The following ABI3BP variants were observed in gnomAD, a reference collection of about 807,000 sequenced individuals.
ABI3BP encodes target of Nesh-SH3.
ABI3BP carries 216 observed loss-of-function variants against 268.6 expected under a neutral mutation model. The observed-to-expected ratio is 0.80, with a 90% CI of 0.72 to 0.90. ABI3BP has a LOEUF of 0.90. ABI3BP is among the 40% of genes least tolerant of loss of function. The pLI is 0.00. For missense variants in ABI3BP, 2,090 were observed against 2,182.4 expected, an observed-to-expected ratio of 0.96 and a Z score of 0.84; for synonymous variants, 730 against 730.0, an observed-to-expected ratio of 1.00 and a Z score of 0.00.
rs866724361 is a variant in ABI3BP, at chr3:100,901,570, C to T, written c.328+1048G>A. Among the ~76,000 whole-genome samples, 127 of 152,070 alleles carry T rather than the reference C, an allele frequency of 8.4e-4. 1 individual carries two copies. The highest frequency in any genetic ancestry group is 6.8e-3 in the Middle Eastern group (2 of 294). ...CATGAGGTCAGGAGGTCGAGACTGTCCTGGCTAACACGGTGAAACCCCGTC... is the reference window on the plus strand; with the variant it reads ...CATGAGGTCAGGAGGTCGAGACTGTTCTGGCTAACACGGTGAAACCCCGTC... On this transcript the variant is annotated intron_variant, in intron 3 of 67. Transcript: ENST00000471714.
At chr3:100,828,499 T>G in intron 33 of ABI3BP, 47 bp from the exon 34 acceptor site, 2 of 1,460,802 alleles carry the variant, frequency 1.4e-6, no homozygotes, top group Non-Finnish European at 1.8e-6. Flanking sequence ...CATTAAAAAT[T>G]TATAAAAACT....
intron 49 of ABI3BP, among the ~76,000 whole-genome samples, chr3:100,808,941 C>A (rs17337645): frequency 6.6e-6 from 1 of 151,942 alleles, no homozygotes; most frequent in South Asian, 2.1e-4. Flanking sequence ...TGAACTAAAA[C>A]GTGTTTGGGA....
intron 2 of ABI3BP, chr3:100,911,758 C>G (rs1045087130): frequency 5.1e-6 from 5 of 986,572 alleles, no homozygotes; most frequent in Non-Finnish European, 8.2e-6. Flanking sequence ...CGATGAGTAG[C>G]GTAGCTTTCT....
At chr3:100,846,503 C>T in intron 19 of ABI3BP, 57 bp from the exon 20 acceptor site, 2 of 1,272,334 alleles carry the variant, frequency 1.6e-6, no homozygotes, top group South Asian at 1.3e-5. Context: ...ATTTCAGTGT[C>T]TAAAAACACA....
intron 61 of ABI3BP, among the ~76,000 whole-genome samples, chr3:100,774,387 G>A (rs2096641539): frequency 6.6e-6 from 1 of 152,154 alleles, no homozygotes; most frequent in African/African-American, 2.4e-5. Flanking sequence ...CAACCCACAA[G>A]AGGCCTAGCT....
At chr3:100,911,545 A>G in intron 2 of ABI3BP, 1 of 586,086 alleles carries the variant, frequency 1.7e-6, no homozygotes, top group African/African-American at 1.9e-5. Flanking sequence ...AGCATTACAT[A>G]TTTTATCTTA....
At chr3:100,964,499 C>T (rs1352977663) in intron 1 of ABI3BP, among the ~76,000 whole-genome samples, 1 of 152,206 alleles carries the variant, frequency 6.6e-6, no homozygotes, top group Non-Finnish European at 1.5e-5. Flanking sequence ...CCTATTAAAC[C>T]TCTGCTCCTA....
chr3:100,851,912 T>G lies in ABI3BP; in HGVS notation c.1314A>C (p.Thr438=). Residue 438 remains threonine, a synonymous_variant, in exon 15 of 68, where the codon ACA becomes ACC. Coordinates refer to ENST00000471714, the MANE Select transcript of ABI3BP (RefSeq NM_001375547.2). ...TATYDVFSSP[T]TSDEPEISDS... is the part of the protein sequence containing the mutation. The stretch of plus-strand genomic sequence containing the variant: ...CTGATATCTCAGGCTCATCTGATGT[T>G]GTAGGGCTTGAGAAAACATCATAAG... 1.1e-5 allele frequency: 18 copies of G among 1,584,708 alleles called. No individual in the cohort carries two copies. The highest frequency in any genetic ancestry group is 1.5e-5 in the Non-Finnish European group (18 of 1,165,654).
At chr3:100,833,729 C>A (rs2098530027) in intron 29 of ABI3BP, among the ~76,000 whole-genome samples, 1 of 152,166 alleles carries the variant, frequency 6.6e-6, no homozygotes, top group South Asian at 2.1e-4. Flanking sequence ...AAAGGCCTGA[C>A]CTCTAGGTTA....
intron 59 of ABI3BP, among the ~76,000 whole-genome samples, chr3:100,777,951 A>G (rs1047895687): frequency 2.6e-5 from 4 of 152,184 alleles, no homozygotes; most frequent in African/African-American, 9.7e-5. Context: ...AAGTCATCAC[A>G]TCTATTATTC....
chr3:100,875,482 CGGCA>C, intron 8 of ABI3BP, 22 bp downstream of exon 8: 1 of 1,580,422 alleles, frequency 6.3e-7, no homozygotes, highest in Non-Finnish European at 8.7e-7. Context: ...TGCTTAATCT[CGGCA>C]TAGATTTCGA....
intron 1 of ABI3BP, among the ~76,000 whole-genome samples, chr3:100,990,508 G>A (rs561822804): frequency 6.6e-6 from 1 of 150,442 alleles, no homozygotes; most frequent in African/African-American, 2.4e-5. Context: ...ATGTGACTAG[G>A]TATGCAAATA....
At chr3:100,914,697 G>A (rs2057995975) in intron 2 of ABI3BP, among the ~76,000 whole-genome samples, 1 of 152,200 alleles carries the variant, frequency 6.6e-6, no homozygotes, top group Non-Finnish European at 1.5e-5. Flanking sequence ...AGGATGTGGG[G>A]AAAGGGGTAT....
chr3:100,809,071 C>T (rs2097783697), intron 49 of ABI3BP, among the ~76,000 whole-genome samples: 1 of 152,040 alleles, frequency 6.6e-6, no homozygotes, highest in Non-Finnish European at 1.5e-5. Flanking sequence ...GCAGAATCTT[C>T]TTCCTGATAC....
At chr3:100,750,724 G>A (rs979393040) in intron 67 of ABI3BP, 114 bp from the exon 68 acceptor site, 2 of 700,760 alleles carry the variant, frequency 2.9e-6, no homozygotes, top group Non-Finnish European at 2.3e-6. Context: ...GTGAAGCGAG[G>A]TAATTTAGAA....
chr3:100,834,757 T>C lies in ABI3BP; in HGVS notation c.2208A>G (p.Gln736=), dbSNP rs893494236. ...GACGTGGACGACGTGTTCTTGTTCG[T>C]TGCGATGTTTTTGGAGCTAAAGAAA... ...TVTTLAPKTS[Q]RTRTRRPRPK... Residue 736 remains glutamine (Q), a synonymous_variant, in exon 29 of 68, where the codon CAA becomes CAG. Transcript: ENST00000471714. The C allele has an allele frequency of 5.2e-6, 8 of 1,535,564 alleles. No individual in the cohort carries two copies. In the African/African-American group the frequency reaches 1.1e-4, roughly 21 times the overall value.
intron 2 of ABI3BP, among the ~76,000 whole-genome samples, chr3:100,918,844 A>C (rs1163442281): frequency 6.6e-6 from 1 of 152,196 alleles, no homozygotes; most frequent in Non-Finnish European, 1.5e-5. Context: ...GAGGCAGTAG[A>C]ACACAGTGGT....
At chr3:100,846,758 G>A (rs2098773753) in intron 19 of ABI3BP, among the ~76,000 whole-genome samples, 1 of 152,126 alleles carries the variant, frequency 6.6e-6, no homozygotes, top group Non-Finnish European at 1.5e-5. Context: ...TTAAAAATCA[G>A]TCTAATTATT....
At chr3:100,884,932 C>G (rs908096420) in intron 6 of ABI3BP, among the ~76,000 whole-genome samples, 3 of 152,050 alleles carry the variant, frequency 2.0e-5, no homozygotes, top group African/African-American at 7.2e-5. Flanking sequence ...GTGGTATATA[C>G]TAGACATGAT....
Sources: allele counts gnomAD v4.1 joint callset (sites outside exome capture counted in the v4.1 genomes callset), GRCh38; gene constraint gnomAD v4.1.1; transcripts MANE v1.5; gene names NCBI Gene and HGNC (gene_info 2026-07-23, HGNC 2026-07-21).